Variants in UST observed in about 807,000 individuals in gnomAD.
UST encodes uronyl 2-sulfotransferase.
UST carries 21 observed loss-of-function variants against 45.6 expected under a neutral mutation model. The observed-to-expected ratio is 0.46, with a 90% CI of 0.33 to 0.66. UST has a LOEUF of 0.66. Ranked by LOEUF, UST falls within the 30% of genes least tolerant of loss-of-function variation. The probability of loss-of-function intolerance (pLI) is 0.02; values close to 1 mark genes in which losing one functional copy is unlikely to be tolerated. For missense variants in UST, 463 were observed against 512.4 expected (o/e 0.90, Z 0.93); for synonymous variants, 215 against 200.6 (o/e 1.07, Z -0.61).
intron 5 of UST, among the ~76,000 whole-genome samples, chr6:149,010,571 A>G (rs1775789462): frequency 6.6e-6 from 1 of 152,114 alleles, no homozygotes; most frequent in Non-Finnish European, 1.5e-5. Flanking sequence ...ATTGGTCTTC[A>G]TCTTATAATG....
intron 2 of UST, among the ~76,000 whole-genome samples, chr6:148,918,303 G>T (rs967161537): frequency 1.3e-5 from 2 of 152,180 alleles, no homozygotes; most frequent in Non-Finnish European, 2.9e-5. Context: ...GTTTGAGAGT[G>T]TACTTGGAAA....
rs140591824 is a variant in UST, at chr6:149,062,802, G to A, written c.938-11031G>A. 3.3e-3 allele frequency among the ~76,000 whole-genome samples: 501 copies of A among 152,330 alleles called. 4 individuals are homozygous for A. Among genetic ancestry groups the A allele is most frequent in the African/African-American group, 0.011 (476 of 41,582 alleles). ...TTGAGCTGGTCTTGTGACCTCTGGG[G>A]CCCTTGGTATCTGTAAGTAAAATGG... is the stretch of plus-strand genomic sequence containing the variant. On this transcript the variant is annotated intron_variant, in intron 7 of 7. Transcript: ENST00000367463.
At chr6:148,954,295 A>AT (rs1384791714) in intron 4 of UST, among the ~76,000 whole-genome samples, 2 of 152,186 alleles carry the variant, frequency 1.3e-5, no homozygotes, top group Non-Finnish European at 2.9e-5. Flanking sequence ...TTTTTGTACA[A>AT]TTTGAACCTG....
intron 1 of UST, among the ~76,000 whole-genome samples, chr6:148,844,291 G>A (rs1482489044): frequency 6.6e-6 from 1 of 152,166 alleles, no homozygotes; most frequent in Non-Finnish European, 1.5e-5. Context: ...GTTGTCCTAT[G>A]TTACAAGCGA....
chr6:148,885,132 C>CT (rs1404772527), intron 1 of UST, among the ~76,000 whole-genome samples: 1 of 152,022 alleles, frequency 6.6e-6, no homozygotes, highest in Non-Finnish European at 1.5e-5. Context: ...TTAAATCGTT[C>CT]TTTTTTAGGA....
At chr6:148,755,595 C>T (rs1776078678) in intron 1 of UST, among the ~76,000 whole-genome samples, 1 of 151,656 alleles carries the variant, frequency 6.6e-6, no homozygotes, top group African/African-American at 2.4e-5. Flanking sequence ...GGGCGGTTAA[C>T]CCCCATGCTG....
At chr6:148,918,181 C>T (rs758685742) in intron 2 of UST, among the ~76,000 whole-genome samples, 11 of 152,196 alleles carry the variant, frequency 7.2e-5, no homozygotes, top group Non-Finnish European at 1.5e-4. Context: ...GAATACTAAC[C>T]TGGAACTACT....
chr6:148,920,428 C>T (rs115463980), intron 2 of UST, among the ~76,000 whole-genome samples: 2,804 of 152,258 alleles, frequency 0.018, 101 homozygotes, highest in African/African-American at 0.064. Context: ...CCCCCTGCTT[C>T]ACCCTCTTCT....
intron 1 of UST, among the ~76,000 whole-genome samples, chr6:148,749,427 A>T (rs1775946154): frequency 6.6e-6 from 1 of 152,188 alleles, no homozygotes. Context: ...CCAGGGGTGT[A>T]GGGAAAAGTG....
intron 7 of UST, among the ~76,000 whole-genome samples, chr6:149,048,534 CAAAA>C (rs11333695): frequency 7.7e-6 from 1 of 129,552 alleles, no homozygotes; most frequent in Non-Finnish European, 1.7e-5. Context: ...AGACTGTCTC[CAAAA>C]AAAAAAAAAA....
chr6:148,838,906 C>T (rs1359233127), intron 1 of UST, among the ~76,000 whole-genome samples: 2 of 152,174 alleles, frequency 1.3e-5, no homozygotes, highest in South Asian at 4.2e-4. Context: ...AAAGGGGCCC[C>T]CAGCAGGTCC....
rs117317753 is a variant in UST, at chr6:148,998,906, C to T, written c.682-20233C>T. Among the ~76,000 whole-genome samples, 1,399 of 152,358 alleles carry T rather than the reference C, an allele frequency of 9.2e-3. 11 individuals are homozygous for T. Among genetic ancestry groups the T allele is most frequent in the Non-Finnish European group, 0.012 (821 of 68,038 alleles). On this transcript the variant is annotated intron_variant, in intron 5 of 7. Transcript: ENST00000367463. ...TGGTTAACCAAGGCAGCACTTGCAGCACTCACAGCAGTCAGCCAGTGGCAG... is the reference window on the plus strand; with the variant it reads ...TGGTTAACCAAGGCAGCACTTGCAGTACTCACAGCAGTCAGCCAGTGGCAG...
At chr6:148,939,241 G>A (rs79169333) in intron 2 of UST, among the ~76,000 whole-genome samples, 2 of 152,284 alleles carry the variant, frequency 1.3e-5, no homozygotes, top group African/African-American at 2.4e-5. Context: ...TCATGGATTG[G>A]AAGACAATAT....
At chr6:149,005,548 TCC>T in intron 5 of UST, 1 of 985,444 alleles carries the variant, frequency 1.0e-6, no homozygotes, top group Non-Finnish European at 1.2e-6. Flanking sequence ...TTTCATTCCT[TCC>T]ACAAGCTTTT....
intron 2 of UST, among the ~76,000 whole-genome samples, chr6:148,925,329 CA>C (rs1483949817): frequency 6.6e-6 from 1 of 152,096 alleles, no homozygotes; most frequent in Non-Finnish European, 1.5e-5. Context: ...TTACAATTCT[CA>C]GGCAAAAGCA....
chr6:148,824,716 A>C (rs1181544149), intron 1 of UST, among the ~76,000 whole-genome samples: 1 of 139,360 alleles, frequency 7.2e-6, no homozygotes, highest in East Asian at 2.1e-4. Flanking sequence ...TTTAGGGTAC[A>C]TGTGCACATT....
Position 148,834,608 on chromosome 6 carries a change from G to A in UST, c.248-52378G>A, listed in dbSNP as rs953149085. ...AAAGTAGCCAGGCATGGTGGTGCACGCCTGTAGTCCCAGCTACTCAGGAGG... is the reference window on the plus strand; with the variant it reads ...AAAGTAGCCAGGCATGGTGGTGCACACCTGTAGTCCCAGCTACTCAGGAGG... On this transcript the variant is annotated intron_variant, in intron 1 of 7. Transcript: ENST00000367463. Among the ~76,000 whole-genome samples the A allele has an allele frequency of 5.8e-4, 89 of 152,206 alleles. 1 individual carries two copies. Among genetic ancestry groups the A allele is most frequent in the African/African-American group, 1.9e-3 (78 of 41,516 alleles).
Position 149,055,375 on chromosome 6 carries a change from A to G in UST, c.938-18458A>G, listed in dbSNP as rs1355827208. 1.1e-4 allele frequency among the ~76,000 whole-genome samples: 16 copies of G among 152,340 alleles called. No individual in the cohort carries two copies. In the East Asian group the frequency reaches 3.1e-3, roughly 29 times the overall value. On this transcript the variant is annotated intron_variant, in intron 7 of 7. Coordinates refer to ENST00000367463, the MANE Select transcript of UST (RefSeq NM_005715.3). Reference sequence around the variant, plus strand: ...GCAGTTAAGTTGTTGTTTTTAGAACATTATGAAATTTCATTTCATGCCCCA... The same window carrying G: ...GCAGTTAAGTTGTTGTTTTTAGAACGTTATGAAATTTCATTTCATGCCCCA...
intron 7 of UST, among the ~76,000 whole-genome samples, chr6:149,062,388 C>T (rs1776667155): frequency 6.6e-6 from 1 of 152,220 alleles, no homozygotes; most frequent in Non-Finnish European, 1.5e-5. Context: ...TTAATCCAGT[C>T]TTGCAGATGG....
Sources: gnomAD v4.1 joint callset for allele counts (sites outside exome capture counted in the v4.1 genomes callset) on GRCh38, gnomAD v4.1.1 for gene constraint, MANE v1.5 for transcripts, NCBI Gene and HGNC (gene_info 2026-07-23, HGNC 2026-07-21) for gene names.